CHD6: variants seen among roughly 807,000 people sequenced by gnomAD.
The protein encoded by CHD6 is ATP-dependent chromatin remodeler CHD6.
In CHD6, 50 loss-of-function variants were observed where a neutral mutation model predicts 276.9. That is an observed-to-expected ratio of 0.18 (90% CI 0.14 to 0.23). The LOEUF (loss-of-function observed/expected upper bound fraction) is 0.23, where lower values mean the gene tolerates loss of function less well. CHD6 is among the 10% of genes least tolerant of loss of function. CHD6 has a pLI of 1.00. For missense variants in CHD6, 2,564 were observed against 3,365.8 expected (o/e 0.76, Z 5.89); for synonymous variants, 1,173 against 1,229.3 (o/e 0.95, Z 0.96).
chr20:41,577,137 G>A (rs1333944143), intron 1 of CHD6, among the ~76,000 whole-genome samples: 1 of 152,198 alleles, frequency 6.6e-6, no homozygotes, highest in Non-Finnish European at 1.5e-5. Flanking sequence ...TAAGCAAAGA[G>A]ACAGCAGAAA....
chr20:41,404,556 C>T lies in CHD6; in HGVS notation c.*37G>A. 4 of 1,468,976 alleles carry T rather than the reference C, an allele frequency of 2.7e-6. No homozygotes were observed. The highest frequency in any genetic ancestry group is 3.3e-5 in the South Asian group (2 of 60,914). 91.0% of individuals were successfully genotyped at this position (1,468,976 alleles called of 1,614,324 possible). A position where few individuals can be genotyped will look rare whatever the true frequency, so the allele number is the denominator to read the frequency against. On this transcript the variant is annotated 3_prime_UTR_variant, in exon 37 of 37. Transcript: ENST00000373233. The stretch of plus-strand genomic sequence containing the variant: ...TAACAAACCTTTATGGGATAAGAAA[C>T]TTACAAGTCACAATAATTTCTTAAA...
intron 17 of CHD6, among the ~76,000 whole-genome samples, chr20:41,470,857 C>T (rs1018160160): frequency 6.6e-6 from 1 of 152,338 alleles, no homozygotes; most frequent in Admixed American, 6.5e-5. Context: ...AAAATGTTTG[C>T]CTCTGGCCAT....
At chr20:41,567,705 T>C (rs996551181) in intron 1 of CHD6, among the ~76,000 whole-genome samples, 1 of 152,176 alleles carries the variant, frequency 6.6e-6, no homozygotes, top group Non-Finnish European at 1.5e-5. Context: ...TTAACGTGCC[T>C]GGGCTCTGCT....
At chr20:41,525,023 T>C (rs188540599) in intron 3 of CHD6, among the ~76,000 whole-genome samples, 1 of 152,208 alleles carries the variant, frequency 6.6e-6, no homozygotes, top group Non-Finnish European at 1.5e-5. Flanking sequence ...TGATTTCCTA[T>C]TGAAAATCAA....
At chr20:41,491,082 C>G (rs942510836) in intron 11 of CHD6, among the ~76,000 whole-genome samples, 9 of 151,922 alleles carry the variant, frequency 5.9e-5, no homozygotes, top group Admixed American at 3.3e-4. Flanking sequence ...AGGACATTAC[C>G]GCACACCACT....
At chr20:41,407,236 G>T (rs1173147496) in intron 36 of CHD6, among the ~76,000 whole-genome samples, 2 of 152,284 alleles carry the variant, frequency 1.3e-5, no homozygotes, top group East Asian at 3.9e-4. Context: ...CTGCAGAGTG[G>T]GGGGTGGGGA....
intron 2 of CHD6, among the ~76,000 whole-genome samples, chr20:41,538,000 GA>G (rs1384423813): frequency 6.6e-6 from 1 of 152,182 alleles, no homozygotes; most frequent in East Asian, 1.9e-4. Flanking sequence ...ATCGACAGAC[GA>G]ACAGGCAAAC....
Position 41,403,977 on chromosome 20 carries a change from AG to A in CHD6, c.*615del, listed in dbSNP as rs961121897. ...GCTGCAGGTGTCTGAAAAACCACCA[AG>A]GGGGAAATTATATTACTACCGGTAA... On this transcript the variant is annotated 3_prime_UTR_variant, in exon 37 of 37. Transcript: ENST00000373233. The A allele has an allele frequency of 1.5e-4, 162 of 1,054,322 alleles. 2 individuals carry two copies. The Admixed American group carries it at 5.4e-3, about 35-fold the overall frequency. 65.3% of individuals were successfully genotyped at this position (1,054,322 alleles called of 1,614,324 possible).
At chr20:41,596,099 C>T (rs2045715118) in intron 1 of CHD6, among the ~76,000 whole-genome samples, 1 of 152,212 alleles carries the variant, frequency 6.6e-6, no homozygotes, top group Non-Finnish European at 1.5e-5. Flanking sequence ...TATAACCCTG[C>T]CCTGCGGGCC....
intron 3 of CHD6, 32 bp from the exon 4 acceptor site, chr20:41,514,984 G>C (rs1310888452): frequency 5.0e-6 from 8 of 1,609,182 alleles, no homozygotes; most frequent in Non-Finnish European, 6.8e-6. Flanking sequence ...TAAAACTGTT[G>C]GGCAGTTTTT....
At chr20:41,429,822 C>T (rs1413845073) in intron 27 of CHD6, among the ~76,000 whole-genome samples, 1 of 152,104 alleles carries the variant, frequency 6.6e-6, no homozygotes, top group Non-Finnish European at 1.5e-5. Context: ...CCATGAACTC[C>T]CCCCTGACAG....
intron 19 of CHD6, 130 bp from the exon 20 acceptor site, chr20:41,454,866 T>C (rs1328419067): frequency 2.0e-6 from 1 of 509,868 alleles, no homozygotes; most frequent in African/African-American, 1.9e-5. Flanking sequence ...TAACAGAGCT[T>C]CCAAAATGAA....
chr20:41,566,260 T>C (rs1369817763), intron 1 of CHD6, among the ~76,000 whole-genome samples: 1 of 152,142 alleles, frequency 6.6e-6, no homozygotes, highest in Non-Finnish European at 1.5e-5. Flanking sequence ...CACTATGCCA[T>C]GTACTCTCCC....
rs183571495 is a variant in CHD6, at chr20:41,450,842, C to A, written c.3683+104G>T. ...ACATCCTGTCTTTCTAGACCTTGCACAGAAGTAGCACAAGAGCATGAAGTG... is the reference window on the plus strand; with the variant it reads ...ACATCCTGTCTTTCTAGACCTTGCAAAGAAGTAGCACAAGAGCATGAAGTG... On this transcript the variant is annotated intron_variant, in intron 23 of 36. Coordinates refer to ENST00000373233, the MANE Select transcript of CHD6 (RefSeq NM_032221.5). 2.9e-4 allele frequency: 315 copies of A among 1,073,888 alleles called. No homozygotes were observed. In the African/African-American group the frequency reaches 4.2e-3, roughly 14 times the overall value. The allele number at this position is 1,073,888 out of a possible 1,614,324, so 66.5% of individuals were successfully genotyped here. A position where few individuals can be genotyped will look rare whatever the true frequency, so the allele number is the denominator to read the frequency against.
In CHD6 at chr20:41,404,337, C is replaced by T. The variant is rs1267029474; in HGVS notation, c.*256G>A. On this transcript the variant is annotated 3_prime_UTR_variant, in exon 37 of 37. Transcript: ENST00000373233. ...GGCGTGTCACCAAGTACTGTATTAACTATGATTGCTGGAATGAACTGGATA... is the reference window on the plus strand; with the variant it reads ...GGCGTGTCACCAAGTACTGTATTAATTATGATTGCTGGAATGAACTGGATA... 1 of 1,197,976 alleles carries T rather than the reference C, an allele frequency of 8.3e-7. No homozygotes were observed. The highest frequency in any genetic ancestry group is 1.0e-6 in the Non-Finnish European group (1 of 964,478). The allele number at this position is 1,197,976 out of a possible 1,614,324, so 74.2% of individuals were successfully genotyped here. A position where few individuals can be genotyped will look rare whatever the true frequency, so the allele number is the denominator to read the frequency against.
chr20:41,579,111 C>T (rs1320978017), intron 1 of CHD6, among the ~76,000 whole-genome samples: 14 of 107,390 alleles, frequency 1.3e-4, no homozygotes, highest in African/African-American at 5.5e-4. Flanking sequence ...GCCTGGGCAA[C>T]AGAACGAGAC....
chr20:41,409,904 AC>A (rs2046792881), intron 36 of CHD6, among the ~76,000 whole-genome samples: 1 of 152,230 alleles, frequency 6.6e-6, no homozygotes, highest in Admixed American at 6.5e-5. Context: ...TACATATGTA[AC>A]TTACATATAT....
At chr20:41,453,911 A>G (rs923748065) in intron 20 of CHD6, among the ~76,000 whole-genome samples, 1 of 152,174 alleles carries the variant, frequency 6.6e-6, no homozygotes, top group Non-Finnish European at 1.5e-5. Context: ...ACAAGCAGGG[A>G]CTGTCTCCTG....
chr20:41,546,903 T>C (rs2045053807), intron 2 of CHD6, among the ~76,000 whole-genome samples: 1 of 152,336 alleles, frequency 6.6e-6, no homozygotes, highest in East Asian at 1.9e-4. Context: ...CTAAACCCTT[T>C]ATTCTGGGCA....
Sources: gnomAD v4.1 joint callset for allele counts (sites outside exome capture counted in the v4.1 genomes callset) on GRCh38, gnomAD v4.1.1 for gene constraint, MANE v1.5 for transcripts, NCBI Gene and HGNC (gene_info 2026-07-23, HGNC 2026-07-21) for gene names.